Variants in DIP2C observed in about 807,000 individuals in gnomAD.
DIP2C encodes the protein disco-interacting protein 2 homolog C.
DIP2C carries 33 observed loss-of-function variants against 192.4 expected under a neutral mutation model. That is an observed-to-expected ratio of 0.17 (90% CI 0.13 to 0.23). The LOEUF is 0.23. DIP2C is among the 10% of genes least tolerant of loss of function. The probability of loss-of-function intolerance (pLI) is 1.00; values close to 1 mark genes in which losing one functional copy is unlikely to be tolerated. For missense variants in DIP2C, 1,537 were observed against 2,110.1 expected, an observed-to-expected ratio of 0.73 and a Z score of 5.32; for synonymous variants, 979 against 864.1, an observed-to-expected ratio of 1.13 and a Z score of -2.33.
chr10:354,887 G>A (rs1282782631), intron 24 of DIP2C, among the ~76,000 whole-genome samples: 1 of 151,876 alleles, frequency 6.6e-6, no homozygotes, highest in Non-Finnish European at 1.5e-5. Flanking sequence ...GTTTACAGGA[G>A]AAACACTACT....
chr10:314,154 G>C (rs184340756), intron 31 of DIP2C, among the ~76,000 whole-genome samples: 4 of 152,194 alleles, frequency 2.6e-5, no homozygotes, highest in Non-Finnish European at 5.9e-5. Flanking sequence ...ATTTCCAGAA[G>C]AATTTTTATA....
At chr10:655,505 C>T (rs1856230145) in intron 1 of DIP2C, among the ~76,000 whole-genome samples, 1 of 152,102 alleles carries the variant, frequency 6.6e-6, no homozygotes, top group Non-Finnish European at 1.5e-5. Context: ...ACGTAATACT[C>T]ACTGTCCTCT....
In DIP2C at chr10:387,817, A is replaced by G; in HGVS notation, c.1598-8T>C. The G allele has an allele frequency of 6.2e-7, 1 of 1,614,208 alleles. No individual in the cohort carries two copies. Among genetic ancestry groups the G allele is most frequent in the Non-Finnish European group, 8.5e-7 (1 of 1,180,026 alleles). On this transcript the variant is annotated splice_polypyrimidine_tract_variant and splice_region_variant and intron_variant, in intron 13 of 36. Coordinates refer to ENST00000280886, the MANE Select transcript of DIP2C (RefSeq NM_014974.3). ...CATTCACAATGGTTTCAGCTGCACA[A>G]CAGAGGGAGTCAGGAGATTTTTACT... is the stretch of plus-strand genomic sequence containing the variant.
chr10:473,135 G>T (rs563385240), intron 2 of DIP2C, among the ~76,000 whole-genome samples: 82 of 152,254 alleles, frequency 5.4e-4, no homozygotes, highest in African/African-American at 2.0e-3. Flanking sequence ...CAATTACTTG[G>T]TGAATAACAA....
In DIP2C at chr10:438,679, C is replaced by G. The variant is rs564286463; in HGVS notation, c.394+2192G>C. On this transcript the variant is annotated intron_variant, in intron 4 of 36. Transcript: ENST00000280886. ...CTGATTTCTGTATTTTTGGTGGAGACAGGGTTTTGGAATGTTGCCCAGGCT... is the reference window on the plus strand; with the variant it reads ...CTGATTTCTGTATTTTTGGTGGAGAGAGGGTTTTGGAATGTTGCCCAGGCT... Among the ~76,000 whole-genome samples the G allele has an allele frequency of 7.7e-4, 117 of 151,540 alleles. 1 individual carries two copies. The highest frequency in any genetic ancestry group is 1.3e-3 in the Non-Finnish European group (90 of 67,848).
In DIP2C at chr10:363,681, A is replaced by G. The variant is rs1046314627; in HGVS notation, c.2478-370T>C. Among the ~76,000 whole-genome samples, 2 of 152,214 alleles carry G rather than the reference A, an allele frequency of 1.3e-5. No homozygotes were observed. Among genetic ancestry groups the G allele is most frequent in the East Asian group, 3.8e-4 (2 of 5,200 alleles). On this transcript the variant is annotated intron_variant, in intron 20 of 36. Transcript: ENST00000280886. The surrounding 1 kb of genome is among the most constrained non-coding windows in gnomAD (Gnocchi z 5.4). ...TGCACCCGTGAAGTTAACGGTCTCC[A>G]AATCAGTAGAAATTTGCCGTTTCAG...
intron 1 of DIP2C, among the ~76,000 whole-genome samples, chr10:574,023 T>C (rs1286418943): frequency 6.6e-6 from 1 of 152,224 alleles, no homozygotes; most frequent in Non-Finnish European, 1.5e-5. Context: ...TTCTGTCTTC[T>C]ACTCAAATTA....
intron 1 of DIP2C, among the ~76,000 whole-genome samples, chr10:537,170 G>C (rs115329538): frequency 6.6e-6 from 1 of 152,070 alleles, no homozygotes; most frequent in Non-Finnish European, 1.5e-5. Context: ...AGGCAAGGCC[G>C]TATGAAGGAG....
chr10:651,823 G>A lies in DIP2C; in HGVS notation c.85+37671C>T, dbSNP rs981043231. The stretch of plus-strand genomic sequence containing the variant: ...CAGCAGCTGCGGCATGAGAGAGATG[G>A]TGTGGGGCGAAACCAATGGGGAAAC... On this transcript the variant is annotated intron_variant, in intron 1 of 36. Coordinates refer to ENST00000280886, the MANE Select transcript of DIP2C (RefSeq NM_014974.3). This position sits in a 1 kb window ranked among gnomAD's most constrained non-coding sequence, Gnocchi z 4.1. The A allele has an allele frequency of 1.2e-4, 28 of 230,042 alleles. No individual in the cohort carries two copies. Among genetic ancestry groups the A allele is most frequent in the Admixed American group, 2.1e-4 (4 of 18,996 alleles). The allele number at this position is 230,042 out of a possible 1,614,324, so 14.3% of individuals were successfully genotyped here. A position where few individuals can be genotyped will look rare whatever the true frequency, so the allele number is the denominator to read the frequency against.
At chr10:650,506 C>G (rs938650651) in intron 1 of DIP2C, 4 of 693,712 alleles carry the variant, frequency 5.8e-6, no homozygotes, top group Non-Finnish European at 7.9e-6. Flanking sequence ...TCCCTATACT[C>G]TTCCCCTGCC....
At chr10:591,913 CCA>C (rs1851425578) in intron 1 of DIP2C, among the ~76,000 whole-genome samples, 1 of 152,168 alleles carries the variant, frequency 6.6e-6, no homozygotes, top group East Asian at 1.9e-4. Context: ...AAATCACATT[CCA>C]CAAACAGCAG....
intron 1 of DIP2C, among the ~76,000 whole-genome samples, chr10:629,677 G>A (rs1168685778): frequency 4.0e-5 from 6 of 151,678 alleles, no homozygotes; most frequent in South Asian, 4.2e-4. Flanking sequence ...TTTAACCCGC[G>A]CTGGGGGAAG....
intron 3 of DIP2C, among the ~76,000 whole-genome samples, chr10:469,409 C>G (rs557714181): frequency 6.6e-6 from 1 of 151,436 alleles, no homozygotes; most frequent in South Asian, 2.1e-4. Context: ...CTCCACCTCC[C>G]GGGTTCAAGA....
intron 16 of DIP2C, among the ~76,000 whole-genome samples, chr10:383,254 T>A (rs1057143223): frequency 5.9e-5 from 9 of 152,256 alleles, no homozygotes; most frequent in Admixed American, 1.3e-4. Flanking sequence ...ATTTATGAAA[T>A]TCTATAAGTG....
At chr10:650,298 G>A (rs907287670) in intron 1 of DIP2C, 11 of 716,944 alleles carry the variant, frequency 1.5e-5, no homozygotes, top group Non-Finnish European at 2.9e-5. Context: ...CAGGGCCAGG[G>A]ACCATGGTGC....
chr10:580,259 C>T (rs142737966), intron 1 of DIP2C, among the ~76,000 whole-genome samples: 148 of 152,190 alleles, frequency 9.7e-4, no homozygotes, highest in Non-Finnish European at 1.5e-3. Context: ...AAAGTATGTA[C>T]ATATGCAGTA....
At chr10:305,994 T>TATATATATATACATA (rs201950305) in intron 32 of DIP2C, among the ~76,000 whole-genome samples, 172 of 148,752 alleles carry the variant, frequency 1.2e-3, no homozygotes, top group Middle Eastern at 7.1e-3. Context: ...TATATATATA[T>TATATATATATACATA]TATATTTTTT....
intron 1 of DIP2C, among the ~76,000 whole-genome samples, chr10:571,265 C>G (rs1005968766): frequency 3.9e-5 from 6 of 152,236 alleles, no homozygotes; most frequent in African/African-American, 1.2e-4. Context: ...TTCGGGATAA[C>G]GTCGACCACA....
At chr10:683,286 C>A (rs566897395) in intron 1 of DIP2C, among the ~76,000 whole-genome samples, 2 of 152,174 alleles carry the variant, frequency 1.3e-5, no homozygotes, top group Middle Eastern at 3.2e-3. Flanking sequence ...GCCCTCGTTC[C>A]GCAGCCACCG....
Sources: gnomAD v4.1 joint callset for allele counts (sites outside exome capture counted in the v4.1 genomes callset) on GRCh38, gnomAD v4.1.1 for gene constraint, Gnocchi (gnomAD v3.1) non-coding constraint, MANE v1.5 for transcripts, NCBI Gene and HGNC (gene_info 2026-07-23, HGNC 2026-07-21) for gene names.